LIFR: variants seen among roughly 807,000 people sequenced by gnomAD.
LIFR encodes leukemia inhibitory factor receptor.
A neutral mutation model predicts 122.2 loss-of-function variants in LIFR; 84 were observed. The observed-to-expected ratio is 0.69, with a 90% CI of 0.58 to 0.82. The LOEUF (loss-of-function observed/expected upper bound fraction) is 0.82. LIFR is among the 40% of genes least tolerant of loss of function. LIFR has a pLI of 0.00. For synonymous variants in LIFR, 422 were observed against 434.7 expected (o/e 0.97, Z 0.36); for missense variants, 1,294 against 1,311.6 (o/e 0.99, Z 0.21).
At chr5:38,529,800 C>T (rs1023716057) in intron 2 of LIFR, among the ~76,000 whole-genome samples, 27 of 152,144 alleles carry the variant, frequency 1.8e-4, no homozygotes, top group Non-Finnish European at 2.6e-4. Context: ...ATAAATTATA[C>T]GGCTATTTAT....
At chr5:38,566,708 T>A (rs1212672985) in intron 1 of LIFR, among the ~76,000 whole-genome samples, 1 of 152,170 alleles carries the variant, frequency 6.6e-6, no homozygotes, top group African/African-American at 2.4e-5. Flanking sequence ...TTCCCAACAG[T>A]CATCCCTTTT....
rs1251169250 is a variant in LIFR, at chr5:38,481,822, C to A, written c.3067G>T (p.Asp1023Tyr). ...VEDIAAEEDL[D>Y]KTAGYRPQAN... is the part of the protein sequence containing the mutation. ...TGAGGTCTGTAACCCGCAGTTTTAT[C>A]TAAGTCCTCTTCTGCAGCTATATCT... Residue 1023 changes from aspartate to tyrosine, a missense_variant, in exon 20 of 20, where the codon GAT (aspartate) becomes TAT (tyrosine). Coordinates refer to ENST00000453190, the MANE Select transcript of LIFR (RefSeq NM_001127671.2). 2 of 1,614,154 alleles carry A rather than the reference C, an allele frequency of 1.2e-6. No individual in the cohort carries two copies. Among genetic ancestry groups the A allele is most frequent in the African/African-American group, 1.3e-5 (1 of 75,030 alleles).
rs1011411405 is a variant in LIFR, at chr5:38,481,152, G to A, written c.*443C>T. ...GGTTTTCATCTAGAAAGGAGTAAAC[G>A]TCAGGCAAATAAACTTCACCTGTTA... On this transcript the variant is annotated 3_prime_UTR_variant, in exon 20 of 20. Coordinates refer to ENST00000453190, the MANE Select transcript of LIFR (RefSeq NM_001127671.2). 6.1e-5 allele frequency: 16 copies of A among 261,460 alleles called. No homozygotes were observed. The highest frequency in any genetic ancestry group is 3.4e-4 in the South Asian group (3 of 8,816). 16.2% of individuals were successfully genotyped at this position (261,460 alleles called of 1,614,324 possible). A position where few individuals can be genotyped will look rare whatever the true frequency, so the allele number is the denominator to read the frequency against.
chr5:38,594,952 G>C (rs1181398206), intron 1 of LIFR: 1 of 197,490 alleles, frequency 5.1e-6, no homozygotes, highest in Non-Finnish European at 1.0e-5. Flanking sequence ...CTGTACAACT[G>C]TATACAGTGA....
intron 1 of LIFR, among the ~76,000 whole-genome samples, chr5:38,532,211 A>C (rs1747048969): frequency 6.6e-6 from 1 of 152,232 alleles, no homozygotes; most frequent in Non-Finnish European, 1.5e-5. Flanking sequence ...CACAGGCCCT[A>C]CAGCCATGCC....
At chr5:38,506,135 G>C in intron 8 of LIFR, 61 bp from the exon 9 acceptor site, 1 of 1,113,478 alleles carries the variant, frequency 9.0e-7, no homozygotes, top group South Asian at 1.4e-5. Context: ...AGGAAAAAAC[G>C]GGCAAATTCG....
intron 9 of LIFR, among the ~76,000 whole-genome samples, chr5:38,504,437 AAAG>A (rs1189920506): frequency 2.0e-5 from 3 of 151,908 alleles, no homozygotes; most frequent in Non-Finnish European, 4.4e-5. Flanking sequence ...AGAAAAGAAA[AAAG>A]AAAGAAAGGT....
intron 15 of LIFR, among the ~76,000 whole-genome samples, chr5:38,489,830 CA>C (rs35145667): frequency 8.8e-4 from 103 of 116,918 alleles, no homozygotes; most frequent in Middle Eastern, 4.5e-3. Flanking sequence ...CTCATCTCTA[CA>C]AAAAAAAAAA....
At chr5:38,518,257 A>G (rs1202004278) in intron 5 of LIFR, among the ~76,000 whole-genome samples, 1 of 152,200 alleles carries the variant, frequency 6.6e-6, no homozygotes, top group Non-Finnish European at 1.5e-5. Context: ...AAATTGTAGC[A>G]GTTAAGAGCA....
chr5:38,522,740 T>G (rs1561172292), intron 5 of LIFR, among the ~76,000 whole-genome samples: 1 of 152,198 alleles, frequency 6.6e-6, no homozygotes, highest in Non-Finnish European at 1.5e-5. Context: ...AATAATCTTT[T>G]TTATTATCTT....
At chr5:38,574,693 C>T (rs977687831) in intron 1 of LIFR, among the ~76,000 whole-genome samples, 1 of 152,168 alleles carries the variant, frequency 6.6e-6, no homozygotes, top group Admixed American at 6.5e-5. Context: ...AGCACTGCTG[C>T]CACTTGGTTT....
intron 1 of LIFR, chr5:38,555,082 A>G (rs1748443804): frequency 6.6e-6 from 1 of 152,226 alleles, no homozygotes; most frequent in Non-Finnish European, 1.5e-5. Context: ...AACACATCAT[A>G]TATTTAAATT....
rs146279956 is a variant in LIFR, at chr5:38,553,262, C to A, written c.-20+3072G>T. Among the ~76,000 whole-genome samples, 3 of 151,998 alleles carry A rather than the reference C, an allele frequency of 2.0e-5. No individual in the cohort carries two copies. In the East Asian group the frequency reaches 5.8e-4, roughly 29 times the overall value. On this transcript the variant is annotated intron_variant, in intron 1 of 19. Transcript: ENST00000453190. The stretch of plus-strand genomic sequence containing the variant: ...CCCTCATTCAACTCTCAGCTCAGAC[C>A]CCTCCACCCCAGAGAGGCTTCTCAG...
At chr5:38,592,624 T>C (rs1749959134) in intron 1 of LIFR, among the ~76,000 whole-genome samples, 1 of 139,432 alleles carries the variant, frequency 7.2e-6, no homozygotes, top group Non-Finnish European at 1.5e-5. Flanking sequence ...GCCACTGCGC[T>C]CCAGCCTGGG....
At chr5:38,487,311 T>C (rs962613745) in intron 16 of LIFR, among the ~76,000 whole-genome samples, 3 of 152,212 alleles carry the variant, frequency 2.0e-5, no homozygotes, top group Admixed American at 6.5e-5. Context: ...CTCTCTCACG[T>C]TGGTTGACAG....
At chr5:38,522,003 G>A (rs1202898208) in intron 5 of LIFR, among the ~76,000 whole-genome samples, 3 of 152,172 alleles carry the variant, frequency 2.0e-5, no homozygotes, top group African/African-American at 7.2e-5. Context: ...CACTAGCTGT[G>A]GTAGGCAGGC....
At chr5:38,560,358 G>A (rs934047941), upstream of LIFR, among the ~76,000 whole-genome samples, 2 of 152,102 alleles carry the variant, frequency 1.3e-5, no homozygotes, top group African/African-American at 4.8e-5. Context: ...ACATTTGAGA[G>A]TAATCAGATA....
rs572954936 is a variant in LIFR at position 38,517,856 on chromosome 5, C to CAAAAAAAAAAA, written c.561+5552_561+5562dup. Among the ~76,000 whole-genome samples, 48 of 15,044 alleles carry CAAAAAAAAAAA rather than the reference C, an allele frequency of 3.2e-3. 12 individuals carry two copies. Among genetic ancestry groups the CAAAAAAAAAAA allele is most frequent in the East Asian group, 0.026 (5 of 196 alleles). The allele number at this position is 15,044 out of a possible 152,430, so 9.9% of individuals were successfully genotyped here. ...TGTGCAACAGAGCAAGACACTGTCT[C>CAAAAAAAAAAA]AAAAAAAAAAAAAAAAAAAAAAAAA... On this transcript the variant is annotated intron_variant, in intron 5 of 19. Transcript: ENST00000453190.
intron 2 of LIFR, among the ~76,000 whole-genome samples, chr5:38,605,553 C>G (rs1442350454): frequency 1.3e-5 from 2 of 152,020 alleles, no homozygotes; most frequent in African/African-American, 4.8e-5. Context: ...TTTTGGGACC[C>G]CCAAATCACA....
Sources: gnomAD v4.1 joint callset for allele counts (sites outside exome capture counted in the v4.1 genomes callset) on GRCh38, gnomAD v4.1.1 for gene constraint, MANE v1.5 for transcripts, NCBI Gene and HGNC (gene_info 2026-07-23, HGNC 2026-07-21) for gene names.